The following MROH1 variants were observed in gnomAD, a reference collection of about 807,000 sequenced individuals.
The protein encoded by MROH1 is maestro heat like repeat family member 1, also known as maestro heat-like repeat-containing protein family member 1.
MROH1 carries 117 observed loss-of-function variants against 116.5 expected under a neutral mutation model. The ratio of observed to expected loss-of-function variants is 1.00; its 90% CI spans 0.86 to 1.17. The LOEUF is 1.17. Among genes scored for constraint, MROH1 ranks in the 50% most tolerant of loss-of-function variants. The pLI is 0.00. For missense variants in MROH1, 1,873 were observed against 1,338.5 expected (o/e 1.40, Z -6.23); for synonymous variants, 921 against 583.9 (o/e 1.58, Z -8.32).
chr8:144,177,772 T>C (rs961503263), intron 4 of MROH1, among the ~76,000 whole-genome samples: 2 of 9,872 alleles, frequency 2.0e-4, no homozygotes, highest in East Asian at 0.023. Flanking sequence ...TTTGAAAGCA[T>C]GTGGCTTCTT....
intron 31 of MROH1, 48 bp downstream of exon 31, chr8:144,247,727 G>C: frequency 1.4e-6 from 1 of 715,974 alleles, no homozygotes; most frequent in East Asian, 2.6e-5. Context: ...GCACTGTCTG[G>C]GGCTAACAGG....
intron 12 of MROH1, among the ~76,000 whole-genome samples, chr8:144,209,830 C>T (rs1833695330): frequency 6.7e-6 from 1 of 148,718 alleles, no homozygotes; most frequent in Admixed American, 6.8e-5. Context: ...CACCTGAGCC[C>T]AGGAGGTCGA....
At chr8:144,179,639 A>C in intron 5 of MROH1, 53 bp downstream of exon 5, 1 of 1,558,850 alleles carries the variant, frequency 6.4e-7, no homozygotes, top group Non-Finnish European at 8.7e-7. Flanking sequence ...TGGGAAGGGA[A>C]GCTGCTTCTT....
At chr8:144,239,283 A>C (rs1840576562) in intron 16 of MROH1, 40 bp from the exon 17 acceptor site, 1 of 774,802 alleles carries the variant, frequency 1.3e-6, no homozygotes, top group Non-Finnish European at 2.4e-6. Flanking sequence ...CCAGGGCTAC[A>C]GGCAGCCCCC....
chr8:144,201,087 T>C (rs1008728971), intron 12 of MROH1: 1 of 152,336 alleles, frequency 6.6e-6, no homozygotes, highest in Non-Finnish European at 1.5e-5. Flanking sequence ...TTTAGTGGTC[T>C]TGCTCTGTCG....
intron 4 of MROH1, 127 bp from the exon 5 acceptor site, chr8:144,179,328 C>T: frequency 7.3e-7 from 1 of 1,369,000 alleles, no homozygotes; most frequent in South Asian, 1.4e-5. Flanking sequence ...ATCAGGTGTA[C>T]CCCTCCCCTC....
chr8:144,255,067 C>T (rs1015442371), intron 34 of MROH1, 89 bp downstream of exon 34: 210 of 653,250 alleles, frequency 3.2e-4, no homozygotes, highest in Middle Eastern at 1.6e-3. Flanking sequence ...TGAGGTGGCC[C>T]GGACGCCACC....
At chr8:144,237,825 GCA>G (rs2132820249) in intron 14 of MROH1, among the ~76,000 whole-genome samples, 1 of 151,962 alleles carries the variant, frequency 6.6e-6, no homozygotes, top group East Asian at 1.9e-4. Flanking sequence ...GCATTTTTTC[GCA>G]CAGGCATTGT....
chr8:144,250,017 G>A (rs1231243943), intron 32 of MROH1, among the ~76,000 whole-genome samples, 195 bp from the exon 33 acceptor site: 10 of 152,316 alleles, frequency 6.6e-5, no homozygotes, highest in Admixed American at 3.3e-4. Context: ...AATCCAGGTC[G>A]TGGCTCCAGT....
intron 8 of MROH1, among the ~76,000 whole-genome samples, 156 bp from the exon 9 acceptor site, chr8:144,191,559 G>C (rs1344152138): frequency 6.6e-6 from 1 of 152,212 alleles, no homozygotes; most frequent in Non-Finnish European, 1.5e-5. Flanking sequence ...TCTCCCCACA[G>C]CTGACCTCTG....
At chr8:144,175,085 A>T in intron 4 of MROH1, 3 of 985,448 alleles carry the variant, frequency 3.0e-6, no homozygotes, top group Non-Finnish European at 2.4e-6. Flanking sequence ...GCAACTTGAG[A>T]TGTGTTTCCA....
intron 12 of MROH1, among the ~76,000 whole-genome samples, chr8:144,204,133 CA>C (rs1299078064): frequency 2.0e-5 from 3 of 152,148 alleles, no homozygotes; most frequent in Non-Finnish European, 4.4e-5. Context: ...TGTTTTGAGA[CA>C]GGGTCTCGTT....
At chr8:144,157,646 G>A (rs1211425946) in intron 1 of MROH1, among the ~76,000 whole-genome samples, 2 of 150,142 alleles carry the variant, frequency 1.3e-5, no homozygotes, top group East Asian at 3.9e-4. Flanking sequence ...TCTTTTAAGG[G>A]ATTTGCCTAT....
intron 1 of MROH1, among the ~76,000 whole-genome samples, chr8:144,152,555 A>ATTATTATTTTT (rs1369841266): frequency 1.4e-4 from 18 of 130,588 alleles, no homozygotes; most frequent in African/African-American, 5.0e-4. Context: ...TATTATTATT[A>ATTATTATTTTT]TTTTTTTTTT....
intron 10 of MROH1, among the ~76,000 whole-genome samples, chr8:144,197,086 C>A (rs1324018042): frequency 6.6e-6 from 1 of 152,082 alleles, no homozygotes; most frequent in African/African-American, 2.4e-5. Flanking sequence ...CAGAGCAAGA[C>A]TCTGTCTCAA....
intron 12 of MROH1, chr8:144,213,236 C>G (rs935087919): frequency 3.3e-5 from 21 of 631,136 alleles, no homozygotes; most frequent in Non-Finnish European, 4.9e-5. Context: ...CTCTCTGCCA[C>G]TCTTGTTGTC....
chr8:144,163,393 T>C lies in MROH1; in HGVS notation c.-56-378T>C, dbSNP rs1820031144. The stretch of plus-strand genomic sequence containing the variant: ...TTGTTGCATGCAGTGGCGCATGGCA[T>C]GTGATGTGTGAAAGCTGTGGTGCCC... On this transcript the variant is annotated intron_variant, in intron 2 of 43. Transcript: ENST00000326134. The surrounding 1 kb of genome is among the most constrained non-coding windows in gnomAD (Gnocchi z 4.4). 6.6e-6 allele frequency among the ~76,000 whole-genome samples: 1 copy of C among 152,190 alleles called. No homozygotes were observed. Among genetic ancestry groups the C allele is most frequent in the African/African-American group, 2.4e-5 (1 of 41,452 alleles).
intron 14 of MROH1, among the ~76,000 whole-genome samples, chr8:144,228,191 C>T (rs1345887030): frequency 6.6e-6 from 1 of 152,034 alleles, no homozygotes; most frequent in African/African-American, 2.4e-5. Context: ...GCTGTGATCA[C>T]ACTATTATGC....
chr8:144,205,793 T>C (rs986798651), intron 12 of MROH1, among the ~76,000 whole-genome samples: 2 of 152,190 alleles, frequency 1.3e-5, no homozygotes, highest in Non-Finnish European at 2.9e-5. Flanking sequence ...TAGATACTTT[T>C]ATAAATCAAA....
Sources: allele counts gnomAD v4.1 joint callset (sites outside exome capture counted in the v4.1 genomes callset), GRCh38; gene constraint gnomAD v4.1.1; non-coding constraint Gnocchi (gnomAD v3.1); transcripts MANE v1.5; gene names NCBI Gene and HGNC (gene_info 2026-07-23, HGNC 2026-07-21).